Variants in FANCC observed in about 807,000 individuals in gnomAD.
FANCC encodes FA complementation group C.
Under a neutral mutation model 71.3 loss-of-function variants are expected in FANCC, and 55 were observed. The observed-to-expected ratio is 0.77, with a 90% CI of 0.62 to 0.97. The LOEUF is 0.97. FANCC is among the 50% of genes least tolerant of loss of function. FANCC has a pLI of 0.00. For synonymous variants in FANCC, 275 were observed against 244.9 expected (o/e 1.12, Z -1.15); for missense variants, 678 against 670.9 (o/e 1.01, Z -0.12).
intron 4 of FANCC, 119 bp from the exon 5 acceptor site, chr9:95,172,266 T>C: frequency 1.6e-6 from 1 of 632,272 alleles, no homozygotes; most frequent in Non-Finnish European, 2.8e-6. Flanking sequence ...AAAAAATCTG[T>C]TTGTCAAAGT....
intron 4 of FANCC, among the ~76,000 whole-genome samples, chr9:95,198,921 G>T (rs923934456): frequency 6.6e-5 from 10 of 151,890 alleles, no homozygotes; most frequent in African/African-American, 2.4e-4. Flanking sequence ...AACTTTTTTT[G>T]TAGAGCCAGG....
chr9:95,120,969 C>T (rs1469479096), intron 10 of FANCC, among the ~76,000 whole-genome samples: 1 of 152,158 alleles, frequency 6.6e-6, no homozygotes, highest in Non-Finnish European at 1.5e-5. Flanking sequence ...CCCCACACTG[C>T]CTGCCTTCCA....
chr9:95,219,530 A>G (rs967191512), intron 4 of FANCC, among the ~76,000 whole-genome samples: 5 of 152,140 alleles, frequency 3.3e-5, no homozygotes, highest in Admixed American at 3.3e-4. Flanking sequence ...ACAGGGAAAC[A>G]TGGCCCCTTC....
At chr9:95,175,611 G>A (rs998279863) in intron 4 of FANCC, among the ~76,000 whole-genome samples, 5 of 152,228 alleles carry the variant, frequency 3.3e-5, no homozygotes, top group Non-Finnish European at 7.3e-5. Context: ...ATGGCTGGGT[G>A]GGCAGAGTCA....
intron 2 of FANCC, among the ~76,000 whole-genome samples, chr9:95,247,772 A>G (rs1831082884): frequency 6.6e-6 from 1 of 152,238 alleles, no homozygotes; most frequent in African/African-American, 2.4e-5. Flanking sequence ...ATTGTGTTGC[A>G]AAATTAATTC....
At chr9:95,253,477 C>A (rs1488341047) in intron 1 of FANCC, among the ~76,000 whole-genome samples, 1 of 152,142 alleles carries the variant, frequency 6.6e-6, no homozygotes, top group East Asian at 1.9e-4. Flanking sequence ...ATATTTCACT[C>A]CACTCTCTTC....
At chr9:95,165,739 G>A (rs1831027193) in intron 6 of FANCC, among the ~76,000 whole-genome samples, 1 of 152,082 alleles carries the variant, frequency 6.6e-6, no homozygotes, top group Non-Finnish European at 1.5e-5. Flanking sequence ...TGCTTGAGAA[G>A]AGTGTATATT....
At chr9:95,113,849 C>T (rs967324515) in intron 12 of FANCC, 2 of 152,348 alleles carry the variant, frequency 1.3e-5, no homozygotes, top group Admixed American at 6.5e-5. Flanking sequence ...GTCTCGATCT[C>T]CTGACCTTGT....
intron 1 of FANCC, among the ~76,000 whole-genome samples, chr9:95,281,379 A>G (rs1280335882): frequency 1.3e-5 from 2 of 152,084 alleles, no homozygotes; most frequent in African/African-American, 4.8e-5. Context: ...TCCTGAAGAA[A>G]TTCAAAGTCC....
chr9:95,231,575 C>T (rs942046496), intron 4 of FANCC, among the ~76,000 whole-genome samples: 4 of 152,172 alleles, frequency 2.6e-5, no homozygotes, highest in African/African-American at 9.7e-5. Flanking sequence ...CAGTCTCACT[C>T]ACCATTCAAA....
chr9:95,155,283 AAGGAAGGGGACGG>A (rs1830400135), intron 6 of FANCC, among the ~76,000 whole-genome samples: 1 of 54,392 alleles, frequency 1.8e-5, no homozygotes, highest in Non-Finnish European at 3.6e-5. Context: ...AGGGGAGGGG[AAGGAAGGGGACGG>A]AAGGGGAGAG....
At chr9:95,270,285 C>T (rs766648010) in intron 1 of FANCC, among the ~76,000 whole-genome samples, 9 of 152,082 alleles carry the variant, frequency 5.9e-5, no homozygotes, top group Non-Finnish European at 1.0e-4. Context: ...CATCCAGTAC[C>T]GGTCAGGGAC....
At chr9:95,310,117 C>G (rs1835301165) in intron 1 of FANCC, among the ~76,000 whole-genome samples, 1 of 152,194 alleles carries the variant, frequency 6.6e-6, no homozygotes, top group Non-Finnish European at 1.5e-5. Context: ...CATCACAGCA[C>G]TTTGGGAGAC....
intron 1 of FANCC, among the ~76,000 whole-genome samples, chr9:95,301,175 A>AACACACAC (rs146415585): frequency 0.026 from 3,820 of 146,026 alleles, 56 homozygotes; most frequent in South Asian, 0.04. Context: ...TAACCATCAA[A>AACACACAC]ACACACACAC....
At chr9:95,113,330 G>T (rs2072110850) in intron 12 of FANCC, among the ~76,000 whole-genome samples, 1 of 152,160 alleles carries the variant, frequency 6.6e-6, no homozygotes, top group African/African-American at 2.4e-5. Context: ...AGTGAAAAGT[G>T]GCAAAAGGAA....
intron 13 of FANCC, 192 bp downstream of exon 13, chr9:95,111,271 G>C (rs752638479): frequency 6.4e-7 from 1 of 1,552,654 alleles, no homozygotes; most frequent in Non-Finnish European, 8.6e-7. Context: ...TGGCCACCTC[G>C]GTGGGGACAG....
In FANCC at chr9:95,126,442, C is replaced by T. The variant is rs111313346; in HGVS notation, c.896+87G>A. ...AACTCTAATTTCCCCATGATACAGC[C>T]AGAGACTACCACAACATTTTCTGAT... On this transcript the variant is annotated intron_variant, in intron 9 of 14. Coordinates refer to ENST00000289081, the MANE Select transcript of FANCC (RefSeq NM_000136.3). 4.7e-6 allele frequency: 6 copies of T among 1,276,454 alleles called. No homozygotes were observed. The African/African-American group carries it at 8.9e-5, about 19-fold the overall frequency. 79.1% of individuals were successfully genotyped at this position (1,276,454 alleles called of 1,614,324 possible).
At chr9:95,178,258 G>A (rs1198833784) in intron 4 of FANCC, among the ~76,000 whole-genome samples, 5 of 152,136 alleles carry the variant, frequency 3.3e-5, no homozygotes, top group Admixed American at 2.0e-4. Flanking sequence ...TGCCTCCCTG[G>A]AACAGACCTT....
At chr9:95,254,347 C>T (rs1201434923) in intron 1 of FANCC, among the ~76,000 whole-genome samples, 1 of 152,236 alleles carries the variant, frequency 6.6e-6, no homozygotes, top group African/African-American at 2.4e-5. Flanking sequence ...ATGCAGAAGG[C>T]AGGTGATTTC....
Sources: gnomAD v4.1 joint callset for allele counts (sites outside exome capture counted in the v4.1 genomes callset) on GRCh38, gnomAD v4.1.1 for gene constraint, MANE v1.5 for transcripts, NCBI Gene and HGNC (gene_info 2026-07-23, HGNC 2026-07-21) for gene names.